The following PPP6R2 variants were observed in gnomAD, a reference collection of about 807,000 sequenced individuals.
PPP6R2 encodes the protein serine/threonine-protein phosphatase 6 regulatory subunit 2.
PPP6R2 carries 62 observed loss-of-function variants against 100.2 expected under a neutral mutation model. That is an observed-to-expected ratio of 0.62 (90% confidence interval 0.50 to 0.76). PPP6R2 has a LOEUF of 0.76. PPP6R2 is among the 30% of genes least tolerant of loss of function. The pLI is 0.00. For missense variants in PPP6R2, 1,142 were observed against 1,276.3 expected (o/e 0.89, Z 1.60); for synonymous variants, 525 against 514.7 (o/e 1.02, Z -0.27).
chr22:50,336,018 T>C, the PPP6R2 span, among the ~76,000 whole-genome samples: 1 of 151,074 alleles, frequency 6.6e-6, no homozygotes, highest in Admixed American at 6.6e-5. Context: ...AGAGTCTTGC[T>C]CTATCGTCCA....
intron 1 of PPP6R2, among the ~76,000 whole-genome samples, chr22:50,365,805 C>G (rs1262187777): frequency 6.6e-6 from 1 of 151,818 alleles, no homozygotes; most frequent in Non-Finnish European, 1.5e-5. Flanking sequence ...TCCTGGCTCA[C>G]TGCAACCTCA....
chr22:50,340,135 TAC>T (rs781609357), upstream of PPP6R2, among the ~76,000 whole-genome samples: 78 of 121,640 alleles, frequency 6.4e-4, no homozygotes, highest in South Asian at 1.7e-3. Context: ...GTGTGGTGTG[TAC>T]AGTGTGTGGT....
intron 2 of PPP6R2, among the ~76,000 whole-genome samples, chr22:50,390,445 A>G (rs778052922): frequency 3.3e-5 from 5 of 152,230 alleles, no homozygotes; most frequent in Non-Finnish European, 7.3e-5. Flanking sequence ...AAAACAAGGT[A>G]TGTTGCCAGA....
chr22:50,386,042 C>T (rs1602874183), intron 2 of PPP6R2, among the ~76,000 whole-genome samples: 1 of 151,454 alleles, frequency 6.6e-6, no homozygotes, highest in Admixed American at 6.6e-5. Context: ...CCAGGATGGT[C>T]TCGATCTCCT....
At chr22:50,361,457 T>G (rs1364933652) in intron 1 of PPP6R2, among the ~76,000 whole-genome samples, 1 of 152,134 alleles carries the variant, frequency 6.6e-6, no homozygotes, top group Admixed American at 6.6e-5. Context: ...AGCCAGCTAC[T>G]GCCACTCTCC....
chr22:50,338,953 G>A (rs1205278500), upstream of PPP6R2, among the ~76,000 whole-genome samples: 2 of 131,416 alleles, frequency 1.5e-5, no homozygotes, highest in African/African-American at 6.0e-5. Flanking sequence ...TGTAGGGTGT[G>A]GTGGGTGTGT....
At chr22:50,355,296 G>T (rs1376100036) in intron 1 of PPP6R2, among the ~76,000 whole-genome samples, 1 of 149,000 alleles carries the variant, frequency 6.7e-6, no homozygotes. Flanking sequence ...GGAGTGCAGC[G>T]GCGTGATCTC....
Position 50,416,171 on chromosome 22 carries a change from T to C in PPP6R2, c.618+14T>C. The C allele has an allele frequency of 6.2e-7, 1 of 1,610,348 alleles. No homozygotes were observed. The highest frequency in any genetic ancestry group is 1.1e-5 in the South Asian group (1 of 90,984). On this transcript the variant is annotated intron_variant, in intron 6 of 23. Coordinates refer to ENST00000612753, the MANE Select transcript of PPP6R2 (RefSeq NM_001242898.2). ...CAGGATGAAGATGTGAGTGTGCTGC[T>C]TACCGAGCTTCGTGCATCAGTCCAG... is the stretch of plus-strand genomic sequence containing the variant.
chr22:50,373,836 C>A (rs1462477910), intron 2 of PPP6R2, among the ~76,000 whole-genome samples: 5 of 152,014 alleles, frequency 3.3e-5, no homozygotes, highest in Non-Finnish European at 5.9e-5. Context: ...TGGGTTCAAG[C>A]GAATTTCCTG....
chr22:50,424,490 G>A (rs564051839), intron 10 of PPP6R2, among the ~76,000 whole-genome samples: 12 of 149,096 alleles, frequency 8.0e-5, no homozygotes, highest in African/African-American at 2.7e-4. Flanking sequence ...CGTGTGGAAC[G>A]TCTGTCAGCG....
chr22:50,367,796 A>G (rs893089327), intron 1 of PPP6R2, among the ~76,000 whole-genome samples: 10 of 152,138 alleles, frequency 6.6e-5, no homozygotes, highest in African/African-American at 2.4e-4. Context: ...GAGAGATCGT[A>G]GAAATAAAGA....
chr22:50,401,367 C>T (rs912028358), intron 3 of PPP6R2, among the ~76,000 whole-genome samples: 4 of 151,284 alleles, frequency 2.6e-5, no homozygotes, highest in South Asian at 2.1e-4. Context: ...CCACCACGCC[C>T]GGCTAATTTT....
intron 2 of PPP6R2, among the ~76,000 whole-genome samples, chr22:50,390,727 G>C (rs1012376909): frequency 3.3e-5 from 5 of 152,130 alleles, no homozygotes; most frequent in African/African-American, 1.2e-4. Context: ...AGGGCCGGGC[G>C]CGGTCGTTCA....
intron 3 of PPP6R2, among the ~76,000 whole-genome samples, chr22:50,400,397 C>A (rs1325119321): frequency 6.6e-6 from 1 of 152,136 alleles, no homozygotes; most frequent in Non-Finnish European, 1.5e-5. Context: ...ATCGGGCCTG[C>A]GTGTTTGAGA....
chr22:50,415,557 T>C (rs921051283), intron 5 of PPP6R2, among the ~76,000 whole-genome samples: 2 of 152,248 alleles, frequency 1.3e-5, no homozygotes, highest in African/African-American at 4.8e-5. Flanking sequence ...CATCCCATTT[T>C]TGGATAAGGA....
intron 1 of PPP6R2, among the ~76,000 whole-genome samples, chr22:50,364,291 C>T (rs968698993): frequency 9.9e-5 from 15 of 152,216 alleles, no homozygotes; most frequent in African/African-American, 3.4e-4. Context: ...AAGTGTCATA[C>T]TTGAAATATG....
chr22:50,383,159 A>C (rs2148702582), intron 2 of PPP6R2, among the ~76,000 whole-genome samples: 1 of 152,126 alleles, frequency 6.6e-6, no homozygotes, highest in African/African-American at 2.4e-5. Flanking sequence ...TGATATGAAA[A>C]TGAAGGGGTC....
chr22:50,438,297 A>T lies in PPP6R2; in HGVS notation c.1963A>T (p.Arg655Trp). The T allele has an allele frequency of 6.2e-7, 1 of 1,611,020 alleles. No homozygotes were observed. The highest frequency in any genetic ancestry group is 8.5e-7 in the Non-Finnish European group (1 of 1,178,666). The change falls in exon 18 of 24, where the codon AGG becomes TGG. Residue 655 changes from arginine (R) to tryptophan (W), a missense_variant and splice_region_variant. Arg to Trp is a moderately radical substitution (Grantham distance 101). This residue lies in a region of PPP6R2 where 550 missense variants were observed against 517.4 expected (regional missense o/e 1.06). Transcript: ENST00000612753. ...TGCTGCCCGGGTGATGGCCAGACCC[A>T]GGTGCGGGGCCTGCCCATCCCCACA... The part of the protein sequence containing the change: ...RCAARVMARP[R>W]FGAPHASESC...
At chr22:50,394,945 G>A (rs1333638227) in intron 3 of PPP6R2, among the ~76,000 whole-genome samples, 3 of 149,108 alleles carry the variant, frequency 2.0e-5, no homozygotes, top group Non-Finnish European at 4.4e-5. Context: ...AGTTTTGACT[G>A]TCTTGTGCCG....
Sources: allele counts gnomAD v4.1 joint callset (sites outside exome capture counted in the v4.1 genomes callset), GRCh38; gene constraint gnomAD v4.1.1; regional missense constraint gnomAD v4.1.1; transcripts MANE v1.5; gene names NCBI Gene and HGNC (gene_info 2026-07-23, HGNC 2026-07-21).